CHD2: variants seen among roughly 807,000 people sequenced by gnomAD.
The protein encoded by CHD2 is chromodomain helicase DNA binding protein 2.
In CHD2, 28 loss-of-function variants were observed where a neutral mutation model predicts 243.9. The observed-to-expected ratio is 0.11, with a 90% CI of 0.09 to 0.16. The LOEUF is 0.16. CHD2 is among the 10% of genes least tolerant of loss of function. The pLI is 1.00. For missense variants in CHD2, 1,386 were observed against 2,209.8 expected (o/e 0.63, Z 7.47); for synonymous variants, 775 against 779.0 (o/e 0.99, Z 0.09).
At chr15:92,929,896 A>G (rs1297797962) in intron 5 of CHD2, among the ~76,000 whole-genome samples, 1 of 152,050 alleles carries the variant, frequency 6.6e-6, no homozygotes, top group Non-Finnish European at 1.5e-5. Flanking sequence ...GTCATTTGAG[A>G]TTTTAAAACC....
intron 2 of CHD2, among the ~76,000 whole-genome samples, chr15:92,909,179 A>AT (rs1484106412): frequency 6.6e-6 from 1 of 152,014 alleles, no homozygotes. Flanking sequence ...AAGATTCTGA[A>AT]TTCCTTGTAA....
At chr15:92,981,035 T>C (rs746474106) in intron 23 of CHD2, 124 bp downstream of exon 23, 3 of 707,680 alleles carry the variant, frequency 4.2e-6, no homozygotes, top group Non-Finnish European at 7.4e-6. Context: ...AAGGACAGTG[T>C]GTTTTTCTTT....
chr15:92,901,245 G>T lies in CHD2; in HGVS notation c.8G>T (p.Arg3Ile), dbSNP rs2052524459. 1.3e-6 allele frequency: 2 copies of T among 1,593,470 alleles called. No homozygotes were observed. The highest frequency in any genetic ancestry group is 1.1e-5 in the South Asian group (1 of 90,328). ...ATATTTAAGAATTAAAAGATGATGAGAAATAAGGACAAAAGCCAAGAGGAG... is the reference window on the plus strand; with the variant it reads ...ATATTTAAGAATTAAAAGATGATGATAAATAAGGACAAAAGCCAAGAGGAG... The part of the protein sequence containing the change: MM[R>I]NKDKSQEEDS... Residue 3 changes from arginine to isoleucine, a missense_variant, in exon 2 of 39, where the codon AGA (arginine) becomes ATA (isoleucine). Physicochemically the swap from Arg to Ile is moderately conservative, Grantham distance 97. Transcript: ENST00000394196.
chr15:92,922,422 G>C (rs549024573), intron 2 of CHD2, among the ~76,000 whole-genome samples: 9 of 152,210 alleles, frequency 5.9e-5, no homozygotes, highest in Admixed American at 3.9e-4. Context: ...TCCCAGTATT[G>C]AGAACCTCCC....
rs142807584 is a variant in CHD2 at position 92,938,611 on chromosome 15, C to T, written c.552-967C>T. Among the ~76,000 whole-genome samples, 123 of 152,250 alleles carry T rather than the reference C, an allele frequency of 8.1e-4. 1 individual carries two copies. Among genetic ancestry groups the T allele is most frequent in the African/African-American group, 2.4e-3 (100 of 41,546 alleles). ...TAATAAGTTTATCTCAGAACTGTCACGCCAGTTCTGTCTTTTAGAATTTTG... is the reference window on the plus strand; with the variant it reads ...TAATAAGTTTATCTCAGAACTGTCATGCCAGTTCTGTCTTTTAGAATTTTG... On this transcript the variant is annotated intron_variant, in intron 6 of 38. Coordinates refer to ENST00000394196, the MANE Select transcript of CHD2 (RefSeq NM_001271.4).
At chr15:92,904,336 G>C (rs553517359) in intron 2 of CHD2, 3 of 573,810 alleles carry the variant, frequency 5.2e-6, no homozygotes, top group African/African-American at 2.0e-5. Context: ...GCGCGCGCCT[G>C]GTAACAGCAG....
chr15:92,988,064 T>TTA (rs2054067524), intron 26 of CHD2, among the ~76,000 whole-genome samples: 1 of 151,768 alleles, frequency 6.6e-6, no homozygotes, highest in African/African-American at 2.4e-5. Context: ...AATTCATACT[T>TTA]TATATAGTTA....
chr15:92,911,306 A>T (rs530306048), intron 2 of CHD2, among the ~76,000 whole-genome samples: 2 of 152,308 alleles, frequency 1.3e-5, no homozygotes, highest in African/African-American at 4.8e-5. Flanking sequence ...CCTGAGGTAC[A>T]TATGCTTATC....
At chr15:92,903,660 G>C (rs923540682) in intron 2 of CHD2, among the ~76,000 whole-genome samples, 2 of 152,190 alleles carry the variant, frequency 1.3e-5, no homozygotes, top group Non-Finnish European at 2.9e-5. Flanking sequence ...CATACGAGAA[G>C]TATACCATAC....
chr15:93,016,683 G>T (rs2054464746), intron 37 of CHD2, among the ~76,000 whole-genome samples: 1 of 147,288 alleles, frequency 6.8e-6, no homozygotes. Context: ...TTGGGAGGCT[G>T]AGGTGGGAGA....
At chr15:92,932,130 G>A (rs746602499) in intron 5 of CHD2, among the ~76,000 whole-genome samples, 31 of 152,120 alleles carry the variant, frequency 2.0e-4, no homozygotes, top group Non-Finnish European at 4.4e-4. Flanking sequence ...CCAGAGTGCT[G>A]GGATTGCAGG....
At chr15:92,986,651 G>GGC (rs2054046992) in intron 26 of CHD2, among the ~76,000 whole-genome samples, 1 of 152,002 alleles carries the variant, frequency 6.6e-6, no homozygotes, top group Non-Finnish European at 1.5e-5. Flanking sequence ...TCTGCTATGG[G>GGC]GCAGTATGTT....
intron 17 of CHD2, among the ~76,000 whole-genome samples, chr15:92,970,662 T>TG (rs2053829600): frequency 6.6e-6 from 1 of 152,204 alleles, no homozygotes; most frequent in Admixed American, 6.5e-5. Context: ...TTTTCCTTAA[T>TG]GATACATGGC....
intron 25 of CHD2, among the ~76,000 whole-genome samples, 188 bp from the exon 26 acceptor site, chr15:92,985,310 G>A (rs2054028327): frequency 6.6e-6 from 1 of 152,132 alleles, no homozygotes; most frequent in Admixed American, 6.5e-5. Context: ...CAATGTCTCT[G>A]AAAGTATGAC....
intron 2 of CHD2, among the ~76,000 whole-genome samples, chr15:92,919,377 C>T (rs1265645784): frequency 6.6e-6 from 1 of 151,602 alleles, no homozygotes; most frequent in African/African-American, 2.4e-5. Context: ...GATTCTGGTT[C>T]CAAAAACAAT....
At chr15:92,983,280 C>T (rs1387738049) in intron 24 of CHD2, among the ~76,000 whole-genome samples, 2 of 152,202 alleles carry the variant, frequency 1.3e-5, no homozygotes, top group Non-Finnish European at 2.9e-5. Context: ...TTGTGTAACT[C>T]TTACTGTGTT....
chr15:93,024,668 A>G lies in CHD2; in HGVS notation c.5450A>G (p.Asn1817Ser), dbSNP rs1315533290. 1.2e-6 allele frequency: 2 copies of G among 1,613,360 alleles called. No homozygotes were observed. Among genetic ancestry groups the G allele is most frequent in the African/African-American group, 1.3e-5 (1 of 74,864 alleles). ...SPLERSLEQK[N>S]NPDYNWNVRK... ...TTGGAGAGATCACTAGAACAGAAAA[A>G]CAACCCAGATTATAACTGGAATGTT... The change falls in exon 39 of 39, where the codon AAC (asparagine) becomes AGC (serine). Residue 1817 changes from asparagine to serine, a missense_variant. Asn to Ser is a conservative substitution (Grantham distance 46). This residue lies in a region of CHD2 where 347 missense variants were observed against 341.6 expected (regional missense o/e 1.02). Coordinates refer to ENST00000394196, the MANE Select transcript of CHD2 (RefSeq NM_001271.4).
intron 32 of CHD2, among the ~76,000 whole-genome samples, 156 bp from the exon 33 acceptor site, chr15:93,002,021 T>C (rs897122862): frequency 1.3e-5 from 2 of 152,208 alleles, no homozygotes; most frequent in African/African-American, 4.8e-5. Context: ...CTGGAAAGTT[T>C]AGACTTCTCT....
intron 2 of CHD2, among the ~76,000 whole-genome samples, chr15:92,910,351 T>A (rs764609906): frequency 6.6e-5 from 10 of 152,146 alleles, no homozygotes; most frequent in Non-Finnish European, 8.8e-5. Context: ...GATTACATAG[T>A]CCTCTTCCTT....
Sources: allele counts gnomAD v4.1 joint callset (sites outside exome capture counted in the v4.1 genomes callset), GRCh38; gene constraint gnomAD v4.1.1; regional missense constraint gnomAD v4.1.1; transcripts MANE v1.5; gene names NCBI Gene and HGNC (gene_info 2026-07-23, HGNC 2026-07-21).